VPS13A: variants seen among roughly 807,000 people sequenced by gnomAD.
The protein encoded by VPS13A is intermembrane lipid transfer protein VPS13A.
In VPS13A, 264 loss-of-function variants were observed where a neutral mutation model predicts 390.9. That is an observed-to-expected ratio of 0.68 (90% CI 0.61 to 0.75). The LOEUF (loss-of-function observed/expected upper bound fraction) is 0.75, where lower values mean the gene tolerates loss of function less well. Ranked by LOEUF, VPS13A falls within the 30% of genes least tolerant of loss-of-function variation. The pLI, the probability that VPS13A is intolerant of heterozygous loss-of-function variation, is 0.00. For synonymous variants in VPS13A, 1,231 were observed against 1,227.1 expected, an observed-to-expected ratio of 1.00 and a Z score of -0.07; for missense variants, 3,409 against 3,733.9, an observed-to-expected ratio of 0.91 and a Z score of 2.27.
Position 77,324,118 on chromosome 9 carries a change from A to G in VPS13A, c.5991+891A>G, listed in dbSNP as rs1302162900. On this transcript the variant is annotated intron_variant, in intron 45 of 71. Coordinates refer to ENST00000360280, the MANE Select transcript of VPS13A (RefSeq NM_033305.3). ...TTTAATTTTTAAATTCTGATTACTCATTGATAGTATTTAGAAATACAGGTT... is the reference window on the plus strand; with the variant it reads ...TTTAATTTTTAAATTCTGATTACTCGTTGATAGTATTTAGAAATACAGGTT... Among the ~76,000 whole-genome samples, 3 of 152,254 alleles carry G rather than the reference A, an allele frequency of 2.0e-5. No individual in the cohort carries two copies. The East Asian group carries it at 5.8e-4, about 29-fold the overall frequency.
chr9:77,218,720 A>G (rs948836620), intron 10 of VPS13A, among the ~76,000 whole-genome samples: 10 of 149,956 alleles, frequency 6.7e-5, no homozygotes, highest in African/African-American at 1.5e-4. Context: ...ACAGTTCCTG[A>G]CACATTCCTC....
At chr9:77,196,307 T>C (rs1824997756) in intron 1 of VPS13A, among the ~76,000 whole-genome samples, 1 of 152,232 alleles carries the variant, frequency 6.6e-6, no homozygotes, top group East Asian at 1.9e-4. Context: ...CATCACCTTA[T>C]ACATTCATCA....
chr9:77,272,134 G>C (rs1162418118), intron 23 of VPS13A, among the ~76,000 whole-genome samples: 1 of 152,136 alleles, frequency 6.6e-6, no homozygotes, highest in Non-Finnish European at 1.5e-5. Context: ...ATTTGTGTTT[G>C]ATATGATATG....
At chr9:77,396,541 T>C (rs906338752) in intron 68 of VPS13A, among the ~76,000 whole-genome samples, 9 of 152,218 alleles carry the variant, frequency 5.9e-5, no homozygotes, top group Admixed American at 6.5e-5. Context: ...CATTCAAGAA[T>C]ATGAAATCAT....
At chr9:77,186,608 T>C (rs557788891) in intron 1 of VPS13A, among the ~76,000 whole-genome samples, 2 of 152,248 alleles carry the variant, frequency 1.3e-5, no homozygotes, top group East Asian at 3.9e-4. Context: ...CAGCTAATTT[T>C]TGTATTTTTA....
intron 57 of VPS13A, among the ~76,000 whole-genome samples, chr9:77,359,125 G>C (rs1831986584): frequency 6.6e-6 from 1 of 152,170 alleles, no homozygotes; most frequent in Admixed American, 6.5e-5. Context: ...TGTAGAATTA[G>C]TTATCTTCAG....
chr9:77,253,749 C>T (rs1587425630), intron 22 of VPS13A, among the ~76,000 whole-genome samples: 1 of 151,746 alleles, frequency 6.6e-6, no homozygotes, highest in Non-Finnish European at 1.5e-5. Context: ...TTTTATTGTC[C>T]AGTTTATCTT....
intron 31 of VPS13A, among the ~76,000 whole-genome samples, chr9:77,288,902 T>C (rs924453550): frequency 2.0e-5 from 3 of 152,206 alleles, no homozygotes; most frequent in Admixed American, 6.5e-5. Flanking sequence ...TGGAGATCTC[T>C]TGTTAGGTAC....
At chr9:77,256,259 T>C (rs536652428) in intron 22 of VPS13A, among the ~76,000 whole-genome samples, 218 of 152,252 alleles carry the variant, frequency 1.4e-3, no homozygotes, top group African/African-American at 5.0e-3. Flanking sequence ...ATTGCTTGTT[T>C]AACCATCTGT....
intron 45 of VPS13A, among the ~76,000 whole-genome samples, 157 bp downstream of exon 45, chr9:77,323,384 CT>C (rs1239119986): frequency 1.8e-4 from 28 of 152,058 alleles, no homozygotes; most frequent in Non-Finnish European, 3.2e-4. Context: ...AGTTGCGCTA[CT>C]TGGTTATGAC....
Position 77,229,323 on chromosome 9 carries a change from C to T in VPS13A, c.1595+1059C>T, listed in dbSNP as rs571894192. On this transcript the variant is annotated intron_variant, in intron 17 of 71. Coordinates refer to ENST00000360280, the MANE Select transcript of VPS13A (RefSeq NM_033305.3). Reference sequence around the variant, plus strand: ...TGGAGCTTGTTGGCTCAAAGCAGTTCGCCAGCCTCAGCCTCCCGAAGTGCT... The same window carrying T: ...TGGAGCTTGTTGGCTCAAAGCAGTTTGCCAGCCTCAGCCTCCCGAAGTGCT... Among the ~76,000 whole-genome samples, 423 of 152,248 alleles carry T rather than the reference C, an allele frequency of 2.8e-3. 7 individuals are homozygous for T. Among genetic ancestry groups the T allele is most frequent in the Middle Eastern group, 0.01 (3 of 294 alleles).
chr9:77,288,741 G>A (rs189379778), intron 31 of VPS13A, among the ~76,000 whole-genome samples: 1 of 152,250 alleles, frequency 6.6e-6, no homozygotes, highest in East Asian at 1.9e-4. Context: ...GTTTTGCTGG[G>A]TTGAATGTTC....
intron 67 of VPS13A, among the ~76,000 whole-genome samples, chr9:77,381,588 A>G (rs897715096): frequency 6.8e-6 from 1 of 146,902 alleles, no homozygotes; most frequent in Non-Finnish European, 1.5e-5. Context: ...GGGGTGCTTT[A>G]AAAAAAAAAA....
rs781355894 is a variant in VPS13A at position 77,221,171 on chromosome 9, C to CT, written c.990-7dup. ...TGATTTGAGGGTGTTAAATGTTTTT[C>CT]TTTTTTTAACTAGGTGGGCTTATGC... is the stretch of plus-strand genomic sequence containing the variant. On this transcript the variant is annotated splice_polypyrimidine_tract_variant and intron_variant, in intron 12 of 71. Coordinates refer to ENST00000360280, the MANE Select transcript of VPS13A (RefSeq NM_033305.3). The CT allele has an allele frequency of 4.3e-6, 7 of 1,612,456 alleles. No homozygotes were observed. In the South Asian group the frequency reaches 5.5e-5, roughly 13 times the overall value.
chr9:77,332,180 A>G (rs1159327915), intron 46 of VPS13A, 67 bp downstream of exon 46: 4 of 1,281,438 alleles, frequency 3.1e-6, no homozygotes, highest in African/African-American at 1.5e-5. Flanking sequence ...CTGATTTCAC[A>G]TGGATAACTT....
intron 34 of VPS13A, among the ~76,000 whole-genome samples, chr9:77,306,805 A>C (rs1037987030): frequency 3.3e-5 from 5 of 152,114 alleles, no homozygotes; most frequent in African/African-American, 1.2e-4. Context: ...ACTGTGACTG[A>C]GCCAAAGTGA....
At chr9:77,212,646 A>C (rs1226878461) in intron 7 of VPS13A, among the ~76,000 whole-genome samples, 2 of 152,102 alleles carry the variant, frequency 1.3e-5, no homozygotes, top group Admixed American at 1.3e-4. Flanking sequence ...ATACCTGCAA[A>C]TCTAAATAGC....
chr9:77,213,781 G>A (rs1379791802), intron 9 of VPS13A, among the ~76,000 whole-genome samples: 2 of 151,912 alleles, frequency 1.3e-5, no homozygotes, highest in Non-Finnish European at 2.9e-5. Flanking sequence ...TGGGATTACA[G>A]GTGTGAGCCA....
At chr9:77,292,758 C>T (rs1008336288) in intron 31 of VPS13A, among the ~76,000 whole-genome samples, 15 of 152,160 alleles carry the variant, frequency 9.9e-5, no homozygotes, top group African/African-American at 3.1e-4. Context: ...TTTTACATCT[C>T]CTGTTGTCGC....
Sources: gnomAD v4.1 joint callset for allele counts (sites outside exome capture counted in the v4.1 genomes callset) on GRCh38, gnomAD v4.1.1 for gene constraint, MANE v1.5 for transcripts, NCBI Gene and HGNC (gene_info 2026-07-23, HGNC 2026-07-21) for gene names.